Variants in ZRANB3 observed in about 807,000 individuals in gnomAD.
ZRANB3 encodes zinc finger RANBP2-type containing 3, also known as DNA annealing helicase and endonuclease ZRANB3.
In ZRANB3, 125 loss-of-function variants were observed where a neutral mutation model predicts 133.8. The ratio of observed to expected loss-of-function variants is 0.93; its 90% CI spans 0.81 to 1.08. The LOEUF (loss-of-function observed/expected upper bound fraction) is 1.08. Ranked by LOEUF, ZRANB3 falls within the 50% of genes least tolerant of loss-of-function variation. The probability of loss-of-function intolerance (pLI) is 0.00; values close to 1 mark genes in which losing one functional copy is unlikely to be tolerated. For synonymous variants in ZRANB3, 387 were observed against 432.7 expected, an observed-to-expected ratio of 0.89 and a Z score of 1.31; for missense variants, 1,229 against 1,275.5, an observed-to-expected ratio of 0.96 and a Z score of 0.56.
intron 2 of ZRANB3, among the ~76,000 whole-genome samples, chr2:135,412,647 A>T (rs1014429858): frequency 6.6e-6 from 1 of 152,242 alleles, no homozygotes; most frequent in East Asian, 1.9e-4. Flanking sequence ...AATGTGTGAA[A>T]TAATGGCTCA....
rs560135194 is a variant in ZRANB3, at chr2:135,273,557, C to T, written c.1087-1670G>A. On this transcript the variant is annotated intron_variant, in intron 9 of 20. Coordinates refer to ENST00000264159, the MANE Select transcript of ZRANB3 (RefSeq NM_032143.4). ...TATCTACATTTTTTTTTTTTTGAGA[C>T]GAAGTTTTGCTCTTATTGCCTAGGC... Among the ~76,000 whole-genome samples the T allele has an allele frequency of 1.9e-3, 291 of 150,420 alleles. 3 individuals are homozygous for T. The highest frequency in any genetic ancestry group is 6.7e-3 in the African/African-American group (274 of 40,940).
At chr2:135,524,333 C>T (rs997174789) in intron 1 of ZRANB3, among the ~76,000 whole-genome samples, 4 of 152,212 alleles carry the variant, frequency 2.6e-5, no homozygotes, top group East Asian at 1.9e-4. Flanking sequence ...CCACCCGCCT[C>T]GGCCTCCCAA....
Position 135,200,458 on chromosome 2 carries a change from T to C in ZRANB3, c.3142-18A>G, listed in dbSNP as rs1180156667. 6.4e-7 allele frequency: 1 copy of C among 1,570,976 alleles called. No homozygotes were observed. Among genetic ancestry groups the C allele is most frequent in the Non-Finnish European group, 8.7e-7 (1 of 1,152,530 alleles). On this transcript the variant is annotated intron_variant, in intron 20 of 20. Transcript: ENST00000264159. ...GCAGTTCTCTAAAAGTTAAAAAATATGCATGTGTACACGTTAGGAAAAAAG... is the reference window on the plus strand; with the variant it reads ...GCAGTTCTCTAAAAGTTAAAAAATACGCATGTGTACACGTTAGGAAAAAAG...
At position 135,287,423 on chromosome 2, in the gene ZRANB3, G is replaced by T. The variant is rs185459324; in HGVS notation, c.967-11668C>A. ...TGATGAGTCTTTTTTGGTTCCATAT[G>T]AATTTTAGGATTGTTTTTTCTACTT... On this transcript the variant is annotated intron_variant, in intron 8 of 20. Transcript: ENST00000264159. 8.5e-4 allele frequency among the ~76,000 whole-genome samples: 129 copies of T among 152,200 alleles called. 1 individual carries two copies. The highest frequency in any genetic ancestry group is 2.2e-3 in the Admixed American group (33 of 15,270).
At chr2:135,280,846 C>CTT (rs1441529878) in intron 8 of ZRANB3, among the ~76,000 whole-genome samples, 1 of 152,218 alleles carries the variant, frequency 6.6e-6, no homozygotes, top group Non-Finnish European at 1.5e-5. Context: ...GCCCTCTTTG[C>CTT]AACTAAGCCC....
chr2:135,454,201 G>A (rs1041685019), intron 2 of ZRANB3, among the ~76,000 whole-genome samples: 5 of 152,216 alleles, frequency 3.3e-5, no homozygotes, highest in African/African-American at 1.2e-4. Context: ...GGAAGAACAT[G>A]TGTTAATAGG....
At chr2:135,477,399 G>A (rs1327075253) in intron 2 of ZRANB3, among the ~76,000 whole-genome samples, 1 of 152,190 alleles carries the variant, frequency 6.6e-6, no homozygotes, top group African/African-American at 2.4e-5. Context: ...TTCTAATGGA[G>A]TTTGATCAAT....
intron 12 of ZRANB3, among the ~76,000 whole-genome samples, chr2:135,256,548 G>A (rs143060276): frequency 0.031 from 4,767 of 152,220 alleles, 249 homozygotes; most frequent in African/African-American, 0.11. Context: ...GGCTGGCCTC[G>A]AACTCCCAAC....
In ZRANB3 at chr2:135,466,920, T is replaced by C. The variant is rs543926074; in HGVS notation, c.161+37409A>G. Among the ~76,000 whole-genome samples, 4 of 152,186 alleles carry C rather than the reference T, an allele frequency of 2.6e-5. No homozygotes were observed. In the South Asian group the frequency reaches 8.3e-4, roughly 32 times the overall value. On this transcript the variant is annotated intron_variant, in intron 2 of 20. Coordinates refer to ENST00000264159, the MANE Select transcript of ZRANB3 (RefSeq NM_032143.4). ...GTGATCCACCTCCAATGGCCTCCCA[T>C]AGTGCTGGGATTACAGGCGTGAGCT... is the stretch of plus-strand genomic sequence containing the variant.
chr2:135,368,689 T>G (rs1169792624), intron 3 of ZRANB3, among the ~76,000 whole-genome samples: 2 of 152,002 alleles, frequency 1.3e-5, no homozygotes, highest in East Asian at 3.8e-4. Flanking sequence ...GGATACCCCA[T>G]TTACCTTAAT....
At chr2:135,332,655 A>G (rs1194293483) in intron 6 of ZRANB3, among the ~76,000 whole-genome samples, 1 of 152,076 alleles carries the variant, frequency 6.6e-6, no homozygotes, top group Non-Finnish European at 1.5e-5. Context: ...AACTATCCCT[A>G]TGGTTACAAC....
intron 2 of ZRANB3, among the ~76,000 whole-genome samples, chr2:135,492,676 T>C (rs927366974): frequency 1.3e-5 from 2 of 151,824 alleles, no homozygotes; most frequent in African/African-American, 4.8e-5. Context: ...AAAGAGAAAG[T>C]CAAACATACA....
intron 9 of ZRANB3, among the ~76,000 whole-genome samples, chr2:135,273,009 C>T (rs1342120391): frequency 6.6e-6 from 1 of 151,506 alleles, no homozygotes; most frequent in African/African-American, 2.4e-5. Flanking sequence ...TGGCGAAACC[C>T]CATCTCTACT....
At chr2:135,427,596 G>C (rs1689149480) in intron 2 of ZRANB3, among the ~76,000 whole-genome samples, 1 of 152,136 alleles carries the variant, frequency 6.6e-6, no homozygotes, top group African/African-American at 2.4e-5. Context: ...TGAATAGGAT[G>C]AATCAATATT....
intron 2 of ZRANB3, among the ~76,000 whole-genome samples, chr2:135,467,766 C>T (rs1691063486): frequency 6.6e-6 from 1 of 152,200 alleles, no homozygotes; most frequent in South Asian, 2.1e-4. Context: ...AGCTTCCAGC[C>T]TTACTTTGTG....
At chr2:135,439,761 G>A (rs1689699606) in intron 2 of ZRANB3, among the ~76,000 whole-genome samples, 1 of 152,092 alleles carries the variant, frequency 6.6e-6, no homozygotes, top group Non-Finnish European at 1.5e-5. Flanking sequence ...TTATTTAACT[G>A]GTATAATGCA....
At chr2:135,247,799 G>C (rs1369058625) in intron 12 of ZRANB3, among the ~76,000 whole-genome samples, 1 of 152,186 alleles carries the variant, frequency 6.6e-6, no homozygotes, top group Non-Finnish European at 1.5e-5. Context: ...CATGTTTGCT[G>C]TTTGGGCACC....
At chr2:135,526,970 C>T (rs1694188353) in intron 1 of ZRANB3, among the ~76,000 whole-genome samples, 2 of 152,194 alleles carry the variant, frequency 1.3e-5, no homozygotes. Flanking sequence ...TACCTATAGC[C>T]TGGAAGTCCC....
At chr2:135,327,738 T>C (rs1469513155) in intron 6 of ZRANB3, among the ~76,000 whole-genome samples, 1 of 152,228 alleles carries the variant, frequency 6.6e-6, no homozygotes, top group Admixed American at 6.5e-5. Flanking sequence ...TCCTCATCTA[T>C]AAAATGGACA....
Sources: gnomAD v4.1 joint callset for allele counts (sites outside exome capture counted in the v4.1 genomes callset) on GRCh38, gnomAD v4.1.1 for gene constraint, MANE v1.5 for transcripts, NCBI Gene and HGNC (gene_info 2026-07-23, HGNC 2026-07-21) for gene names.